Variants in FN1 observed in about 807,000 individuals in gnomAD.
FN1 encodes the protein fibronectin.
A neutral mutation model predicts 297.3 loss-of-function variants in FN1; 106 were observed. The ratio of observed to expected loss-of-function variants is 0.36; its 90% CI spans 0.30 to 0.42. The LOEUF is 0.42. FN1 is among the 10% of genes least tolerant of loss of function. The probability of loss-of-function intolerance (pLI) is 1.00; values close to 1 mark genes in which losing one functional copy is unlikely to be tolerated. For synonymous variants in FN1, 1,149 were observed against 1,152.6 expected (o/e 1.00, Z 0.06); for missense variants, 2,690 against 3,124.9 (o/e 0.86, Z 3.32).
intron 21 of FN1, among the ~76,000 whole-genome samples, chr2:215,398,538 GTTC>G (rs1246413348): frequency 9.9e-5 from 15 of 152,278 alleles, no homozygotes; most frequent in Admixed American, 8.5e-4. Context: ...TCTTCAGAAA[GTTC>G]TTCTATATTT....
chr2:215,395,452 T>C (rs1421980429), intron 23 of FN1, among the ~76,000 whole-genome samples: 1 of 151,306 alleles, frequency 6.6e-6, no homozygotes, highest in Non-Finnish European at 1.5e-5. Context: ...GGCACGAGAA[T>C]CGCTTGAGCC....
intron 11 of FN1, 44 bp from the exon 12 acceptor site, chr2:215,419,429 T>C (rs1297854091): frequency 1.9e-6 from 3 of 1,541,822 alleles, no homozygotes; most frequent in African/African-American, 2.7e-5. Flanking sequence ...TGAAGACTTA[T>C]AACTACGAAT....
At chr2:215,424,843 T>C (rs372399864) in intron 7 of FN1, among the ~76,000 whole-genome samples, 1 of 152,296 alleles carries the variant, frequency 6.6e-6, no homozygotes, top group African/African-American at 2.4e-5. Context: ...AGAAAGTAGC[T>C]CTCTTGTAAC....
intron 33 of FN1, 83 bp from the exon 34 acceptor site, chr2:215,379,400 G>C: frequency 1.5e-6 from 2 of 1,307,534 alleles, no homozygotes; most frequent in Non-Finnish European, 2.2e-6. Flanking sequence ...GAAGTAGAAT[G>C]GATTGTTCTT....
chr2:215,414,971 A>T lies in FN1; in HGVS notation c.1820-13T>A. ...GGACCACTTGAGCCTGAAAATGAAA[A>T]TGTAGCATTTAATTATCTTGAATAT... On this transcript the variant is annotated splice_polypyrimidine_tract_variant and intron_variant, in intron 12 of 45. Transcript: ENST00000354785. The T allele has an allele frequency of 1.2e-6, 2 of 1,609,476 alleles. No homozygotes were observed. Among genetic ancestry groups the T allele is most frequent in the Non-Finnish European group, 1.7e-6 (2 of 1,175,938 alleles).
intron 19 of FN1, among the ~76,000 whole-genome samples, chr2:215,405,109 GA>G (rs2061603413): frequency 6.6e-6 from 1 of 152,156 alleles, no homozygotes; most frequent in Admixed American, 6.5e-5. Context: ...CTTTGCTAGA[GA>G]AATAAAAGTT....
At chr2:215,374,374 C>T (rs2056866841) in intron 38 of FN1, among the ~76,000 whole-genome samples, 1 of 152,218 alleles carries the variant, frequency 6.6e-6, no homozygotes, top group African/African-American at 2.4e-5. Flanking sequence ...TCTGTGTCTG[C>T]ATCCAAATCT....
In FN1 at chr2:215,409,718, G is replaced by A. The variant is rs144664306; in HGVS notation, c.2144C>T (p.Thr715Met). The change falls in exon 15 of 46, where the codon ACG becomes ATG. Residue 715 changes from threonine (T) to methionine (M), a missense_variant. This residue lies in a region of FN1 where 876 missense variants were observed against 1,058.1 expected (regional missense o/e 0.83). Transcript: ENST00000354785. ...PVTSNTVTGE[T>M]TPFSPLVATS... ...GGCCACAAGAGGAGAAAAGGGAGTC[G>A]TCTCTCCTGTCACGGTGTTGCCTAG... 6.5e-4 allele frequency: 1,049 copies of A among 1,614,046 alleles called. 6 individuals are homozygous for A. The highest frequency in any genetic ancestry group is 4.0e-3 in the South Asian group (360 of 91,062).
intron 8 of FN1, 143 bp from the exon 9 acceptor site, chr2:215,423,669 T>C (rs907976178): frequency 3.8e-6 from 3 of 795,214 alleles, no homozygotes; most frequent in East Asian, 2.7e-5. Context: ...TCTGATAATA[T>C]AGTTCTAAGC....
At chr2:215,435,539 G>T in intron 1 of FN1, 116 bp downstream of exon 1, 1 of 1,467,766 alleles carries the variant, frequency 6.8e-7, no homozygotes, top group Non-Finnish European at 9.3e-7. Flanking sequence ...GTTTCTCTCA[G>T]TAAAGCGCGC....
At position 215,425,156 on chromosome 2, in the gene FN1, G is replaced by T; in HGVS notation, c.974C>A (p.Thr325Lys). The T allele has an allele frequency of 6.2e-7, 1 of 1,614,124 alleles. No individual in the cohort carries two copies. The highest frequency in any genetic ancestry group is 8.5e-7 in the Non-Finnish European group (1 of 1,180,018). ...GCAAAGCATTTGCTTATTTCCTTGTGTCTTCAGCCACTGCATCCCCACAGA... is the reference window on the plus strand; with the variant it reads ...GCAAAGCATTTGCTTATTTCCTTGTTTCTTCAGCCACTGCATCCCCACAGA... Reference protein sequence around the residue: ...VYSVGMQWLKTQGNKQMLCTC... With the variant: ...VYSVGMQWLKKQGNKQMLCTC... Residue 325 changes from threonine to lysine, a missense_variant, in exon 7 of 46, where the codon ACA (threonine) becomes AAA (lysine). Thr to Lys is a moderately conservative substitution (Grantham distance 78). Around this residue, in one of 3 missense-constraint regions of FN1, gnomAD observed 876 missense variants for 1,058.1 expected, o/e 0.83. Transcript: ENST00000354785.
intron 41 of FN1, among the ~76,000 whole-genome samples, chr2:215,369,060 T>C (rs1018130070): frequency 1.3e-4 from 20 of 152,054 alleles, no homozygotes; most frequent in African/African-American, 4.8e-4. Flanking sequence ...GTCTCAAAGC[T>C]GGGAGAACCT....
intron 3 of FN1, 29 bp downstream of exon 3, chr2:215,433,294 TG>T: frequency 6.2e-7 from 1 of 1,612,116 alleles, no homozygotes; most frequent in Non-Finnish European, 8.5e-7. Flanking sequence ...TTTGATATTT[TG>T]GCATCATTTT....
chr2:215,436,015 C>G lies in FN1; in HGVS notation c.-213G>C. 1 of 1,093,720 alleles carries G rather than the reference C, an allele frequency of 9.1e-7. No homozygotes were observed. The highest frequency in any genetic ancestry group is 1.3e-6 in the Non-Finnish European group (1 of 795,394). 67.8% of individuals were successfully genotyped at this position (1,093,720 alleles called of 1,614,324 possible). On this transcript the variant is annotated 5_prime_UTR_variant, in exon 1 of 46. Transcript: ENST00000354785. ...GTTGTGGCTGCAGGTCCCCTCTTCC[C>G]GCTCGCGCCTGGGGTTCCCTCTCCT...
At position 215,361,039 on chromosome 2, in the gene FN1, A is replaced by G. The variant is rs1046228978; in HGVS notation, c.*516T>C. On this transcript the variant is annotated 3_prime_UTR_variant, in exon 46 of 46. Transcript: ENST00000354785. The stretch of plus-strand genomic sequence containing the variant: ...TAAAAATACTGGGAAAAATTGATAA[A>G]TAACAGGTAAGAGAAAGATATTTCT... 13 of 156,836 alleles carry G rather than the reference A, an allele frequency of 8.3e-5. No individual in the cohort carries two copies. Among genetic ancestry groups the G allele is most frequent in the Admixed American group, 6.8e-4 (11 of 16,222 alleles). The allele number at this position is 156,836 out of a possible 1,614,324, so 9.7% of individuals were successfully genotyped here.
Position 215,394,587 on chromosome 2 carries a change from C to G in FN1, c.3737G>C (p.Ser1246Thr). Residue 1246 changes from serine (S) to threonine (T), a missense_variant, in exon 24 of 46, where the codon AGT becomes ACT. Ser to Thr is a moderately conservative substitution (Grantham distance 58, BLOSUM62 1). Coordinates refer to ENST00000354785, the MANE Select transcript of FN1 (RefSeq NM_212482.4). The part of the protein sequence containing the change: ...NLSPGLEYNV[S>T]VYTVKDDKES... Reference sequence around the variant, plus strand: ...CTTGTCATCCTTGACAGTGTAAACACTGACATTGTACTCCAGGCCGGGACT... The same window carrying G: ...CTTGTCATCCTTGACAGTGTAAACAGTGACATTGTACTCCAGGCCGGGACT... 2.5e-6 allele frequency: 4 copies of G among 1,614,130 alleles called. No homozygotes were observed. Among genetic ancestry groups the G allele is most frequent in the Non-Finnish European group, 3.4e-6 (4 of 1,180,000 alleles).
At chr2:215,386,110 C>T (rs1212590158) in intron 28 of FN1, among the ~76,000 whole-genome samples, 1 of 119,900 alleles carries the variant, frequency 8.3e-6, no homozygotes, top group African/African-American at 3.2e-5. Flanking sequence ...CAGGGTCTTG[C>T]TCTGTCACCC....
intron 20 of FN1, among the ~76,000 whole-genome samples, chr2:215,401,095 CAAAA>C (rs201488353): frequency 1.4e-4 from 18 of 128,506 alleles, no homozygotes; most frequent in Admixed American, 1.5e-4. Flanking sequence ...CACACCTGGC[CAAAA>C]AAAAAAAAAA....
At chr2:215,431,541 G>A (rs1307872780) in intron 4 of FN1, among the ~76,000 whole-genome samples, 2 of 152,144 alleles carry the variant, frequency 1.3e-5, no homozygotes, top group African/African-American at 4.8e-5. Flanking sequence ...GACGAAGGAG[G>A]AATCTGAGAT....
Sources: gnomAD v4.1 joint callset for allele counts (sites outside exome capture counted in the v4.1 genomes callset) on GRCh38, gnomAD v4.1.1 for gene constraint, gnomAD v4.1.1 regional missense constraint, MANE v1.5 for transcripts, NCBI Gene and HGNC (gene_info 2026-07-23, HGNC 2026-07-21) for gene names.